RAB3GAP1: variants seen among roughly 807,000 people sequenced by gnomAD.
RAB3GAP1 encodes the protein rab3 GTPase-activating protein catalytic subunit.
A neutral mutation model predicts 130.7 loss-of-function variants in RAB3GAP1; 86 were observed. That is an observed-to-expected ratio of 0.66 (90% CI 0.55 to 0.79). The LOEUF is 0.79. RAB3GAP1 is among the 30% of genes least tolerant of loss of function. RAB3GAP1 has a pLI of 0.00. For missense variants in RAB3GAP1, 1,029 were observed against 1,169.4 expected (o/e 0.88, Z 1.75); for synonymous variants, 367 against 401.7 (o/e 0.91, Z 1.03).
intron 3 of RAB3GAP1, among the ~76,000 whole-genome samples, chr2:135,080,914 G>T (rs1003761276): frequency 6.6e-6 from 1 of 152,128 alleles, no homozygotes; most frequent in Non-Finnish European, 1.5e-5. Context: ...CAGGCTGAAG[G>T]CCAGCCAGGC....
At chr2:135,146,458 C>T (rs1227410003) in intron 17 of RAB3GAP1, among the ~76,000 whole-genome samples, 1 of 152,040 alleles carries the variant, frequency 6.6e-6, no homozygotes, top group Non-Finnish European at 1.5e-5. Context: ...GTGATCTGCT[C>T]GCCTAGGCCT....
At chr2:135,064,630 A>G (rs753988825) in intron 3 of RAB3GAP1, among the ~76,000 whole-genome samples, 4 of 149,522 alleles carry the variant, frequency 2.7e-5, no homozygotes, top group African/African-American at 4.9e-5. Context: ...TGTATTTATT[A>G]TAGCTAGTCT....
chr2:135,155,673 AC>A (rs1692290576), intron 19 of RAB3GAP1, among the ~76,000 whole-genome samples: 1 of 152,182 alleles, frequency 6.6e-6, no homozygotes, highest in Non-Finnish European at 1.5e-5. Context: ...TTTTTGAAAA[AC>A]AATGAGGATG....
chr2:135,168,441 T>G, intron 23 of RAB3GAP1, 104 bp from the exon 24 acceptor site: 1 of 941,864 alleles, frequency 1.1e-6, no homozygotes. Context: ...CTGAGTAACG[T>G]GGGACATTTT....
chr2:135,084,661 GA>G (rs957247560), intron 3 of RAB3GAP1, among the ~76,000 whole-genome samples: 2 of 152,006 alleles, frequency 1.3e-5, no homozygotes, highest in African/African-American at 4.8e-5. Flanking sequence ...TACTGGTTAG[GA>G]AATATTTTCT....
At chr2:135,138,270 C>A (rs1218423992) in intron 17 of RAB3GAP1, among the ~76,000 whole-genome samples, 2 of 148,242 alleles carry the variant, frequency 1.3e-5, no homozygotes, top group Non-Finnish European at 3.0e-5. Context: ...CATGGTAAAC[C>A]CTATTTCTAC....
At chr2:135,141,042 A>G (rs1482854054) in intron 17 of RAB3GAP1, among the ~76,000 whole-genome samples, 1 of 151,884 alleles carries the variant, frequency 6.6e-6, no homozygotes, top group African/African-American at 2.4e-5. Context: ...TGAAGCATAT[A>G]TATATTTATT....
intron 5 of RAB3GAP1, among the ~76,000 whole-genome samples, chr2:135,110,504 C>T (rs973663023): frequency 7.9e-5 from 12 of 152,014 alleles, no homozygotes; most frequent in African/African-American, 9.7e-5. Context: ...TGGGGGGAGA[C>T]ATTTTATCAA....
chr2:135,115,441 T>A, intron 7 of RAB3GAP1, 60 bp downstream of exon 7: 1 of 1,503,954 alleles, frequency 6.6e-7, no homozygotes, highest in Non-Finnish European at 9.2e-7. Flanking sequence ...AGAGATTTGA[T>A]CATTTTATTC....
chr2:135,074,976 T>C (rs1053532194), intron 3 of RAB3GAP1, among the ~76,000 whole-genome samples: 2 of 152,158 alleles, frequency 1.3e-5, no homozygotes, highest in African/African-American at 4.8e-5. Context: ...GGAACAGTTG[T>C]TCTCCCCCAC....
chr2:135,131,074 T>G (rs1691523249), intron 13 of RAB3GAP1, among the ~76,000 whole-genome samples: 1 of 152,184 alleles, frequency 6.6e-6, no homozygotes, highest in Non-Finnish European at 1.5e-5. Flanking sequence ...CGAGAGCATG[T>G]TGAACGGTTG....
At chr2:135,080,974 A>G (rs964132044) in intron 3 of RAB3GAP1, among the ~76,000 whole-genome samples, 1 of 152,180 alleles carries the variant, frequency 6.6e-6, no homozygotes, top group Admixed American at 6.5e-5. Context: ...TTTTTGTTCA[A>G]TGATTAGAAA....
intron 5 of RAB3GAP1, among the ~76,000 whole-genome samples, chr2:135,097,306 C>G (rs1011883850): frequency 4.0e-5 from 6 of 151,740 alleles, no homozygotes; most frequent in African/African-American, 4.9e-5. Flanking sequence ...GCCTTGAACT[C>G]CTGGGCTCAA....
At chr2:135,112,806 A>G (rs1690844218) in intron 5 of RAB3GAP1, among the ~76,000 whole-genome samples, 1 of 149,874 alleles carries the variant, frequency 6.7e-6, no homozygotes. Flanking sequence ...AGTATTTACA[A>G]CTGTCAAAGT....
At chr2:135,107,223 C>T (rs1162405909) in intron 5 of RAB3GAP1, among the ~76,000 whole-genome samples, 1 of 151,816 alleles carries the variant, frequency 6.6e-6, no homozygotes, top group Non-Finnish European at 1.5e-5. Context: ...CCTTGCCTTA[C>T]AAGTAATACT....
chr2:135,151,864 C>T (rs548674045), intron 18 of RAB3GAP1, among the ~76,000 whole-genome samples: 6 of 152,300 alleles, frequency 3.9e-5, no homozygotes, highest in Non-Finnish European at 7.4e-5. Flanking sequence ...GAGGCATGCA[C>T]GGGAGGACAT....
chr2:135,169,942 T>A lies in RAB3GAP1; in HGVS notation c.*1161T>A, dbSNP rs1267000804. 3 of 301,088 alleles carry A rather than the reference T, an allele frequency of 1.0e-5. No homozygotes were observed. Among genetic ancestry groups the A allele is most frequent in the Non-Finnish European group, 2.0e-5 (3 of 152,356 alleles). 18.7% of individuals were successfully genotyped at this position (301,088 alleles called of 1,614,324 possible). ...ACCTTGCCTGTGTAATTTTAAAAAATTAATAGAGCTGTGCAAACCCTGTTA... is the reference window on the plus strand; with the variant it reads ...ACCTTGCCTGTGTAATTTTAAAAAAATAATAGAGCTGTGCAAACCCTGTTA... On this transcript the variant is annotated 3_prime_UTR_variant, in exon 24 of 24. Transcript: ENST00000264158.
At chr2:135,107,442 TTATAC>T (rs1461872646) in intron 5 of RAB3GAP1, among the ~76,000 whole-genome samples, 1 of 151,304 alleles carries the variant, frequency 6.6e-6, no homozygotes, top group African/African-American at 2.4e-5. Flanking sequence ...AGGAATGGAG[TTATAC>T]TATATAAAAT....
chr2:135,120,889 A>G lies in RAB3GAP1; in HGVS notation c.719A>G (p.Gln240Arg), dbSNP rs1691178787. 6.2e-7 allele frequency: 1 copy of G among 1,613,044 alleles called. No homozygotes were observed. The highest frequency in any genetic ancestry group is 1.7e-4 in the Middle Eastern group (1 of 6,058). Reference protein sequence around the residue: ...IRFTYVLQDWQQYFWPQQPPD... With the variant: ...IRFTYVLQDWRQYFWPQQPPD... ...TTTACCTATGTACTTCAAGATTGGC[A>G]GCAGTATTTTTGGCCTCAGCAACCT... The change falls in exon 8 of 24, where the codon CAG becomes CGG. Residue 240 changes from glutamine to arginine, a missense_variant. Around this residue, in one of 3 missense-constraint regions of RAB3GAP1, gnomAD observed 510 missense variants for 532.1 expected, o/e 0.96. Coordinates refer to ENST00000264158, the MANE Select transcript of RAB3GAP1 (RefSeq NM_012233.3).
Sources: allele counts gnomAD v4.1 joint callset (sites outside exome capture counted in the v4.1 genomes callset), GRCh38; gene constraint gnomAD v4.1.1; regional missense constraint gnomAD v4.1.1; transcripts MANE v1.5; gene names NCBI Gene and HGNC (gene_info 2026-07-23, HGNC 2026-07-21).